AGAP1: variants seen among roughly 807,000 people sequenced by gnomAD.
AGAP1 encodes arf-GAP with GTPase, ANK repeat and PH domain-containing protein 1.
AGAP1 carries 29 observed loss-of-function variants against 105.3 expected under a neutral mutation model. The observed-to-expected ratio is 0.28, with a 90% confidence interval of 0.21 to 0.38. The LOEUF (loss-of-function observed/expected upper bound fraction) is 0.38. AGAP1 is among the 10% of genes least tolerant of loss of function. AGAP1 has a pLI of 1.00. For synonymous variants in AGAP1, 509 were observed against 485.9 expected (o/e 1.05, Z -0.63); for missense variants, 998 against 1,165.1 (o/e 0.86, Z 2.09).
At chr2:235,956,350 A>T (rs957995590) in intron 12 of AGAP1, among the ~76,000 whole-genome samples, 5 of 152,172 alleles carry the variant, frequency 3.3e-5, no homozygotes, top group African/African-American at 1.2e-4. Flanking sequence ...TTTGAGCCTT[A>T]ACTATAAATT....
intron 6 of AGAP1, among the ~76,000 whole-genome samples, chr2:235,760,967 G>A (rs990599014): frequency 6.6e-6 from 1 of 152,298 alleles, no homozygotes; most frequent in East Asian, 1.9e-4. Flanking sequence ...AAAATGTTTA[G>A]GTGGGGGAGG....
intron 3 of AGAP1, among the ~76,000 whole-genome samples, chr2:235,727,145 G>A (rs1473167742): frequency 1.3e-5 from 2 of 152,216 alleles, no homozygotes; most frequent in South Asian, 4.1e-4. Flanking sequence ...AGTATCACAG[G>A]TTGGAGGGGA....
intron 1 of AGAP1, among the ~76,000 whole-genome samples, chr2:235,539,488 T>C (rs1943362022): frequency 6.6e-6 from 1 of 152,254 alleles, no homozygotes; most frequent in African/African-American, 2.4e-5. Context: ...TAGGAAGCCA[T>C]GCTGCCTCCT....
chr2:236,016,433 T>G (rs1451617872), intron 13 of AGAP1, among the ~76,000 whole-genome samples: 1 of 151,906 alleles, frequency 6.6e-6, no homozygotes, highest in Non-Finnish European at 1.5e-5. Flanking sequence ...ACAAATTTGT[T>G]TATTGACTTC....
intron 13 of AGAP1, among the ~76,000 whole-genome samples, chr2:236,015,869 A>G (rs1326687776): frequency 1.3e-5 from 2 of 152,298 alleles, no homozygotes; most frequent in Admixed American, 6.5e-5. Flanking sequence ...TTGCCAAGCA[A>G]TGGCATTAAA....
In AGAP1 at chr2:235,623,087, G is replaced by A. The variant is rs1372548580; in HGVS notation, c.164-86092G>A. Among the ~76,000 whole-genome samples the A allele has an allele frequency of 6.6e-6, 1 of 152,190 alleles. No homozygotes were observed. The highest frequency in any genetic ancestry group is 1.5e-5 in the Non-Finnish European group (1 of 68,028). On this transcript the variant is annotated intron_variant, in intron 1 of 17. Transcript: ENST00000304032. The surrounding 1 kb of genome is among the most constrained non-coding windows in gnomAD (Gnocchi z 4.5). ...TTTTGGGGGAATAGATGTCTCTCAT[G>A]CAGCTCATTTTCCAGTGGATTGCCT...
At chr2:236,011,501 ACT>A (rs1467431317) in intron 13 of AGAP1, among the ~76,000 whole-genome samples, 3 of 152,288 alleles carry the variant, frequency 2.0e-5, no homozygotes, top group East Asian at 3.9e-4. Flanking sequence ...GCATTGTGAA[ACT>A]CTGTTTACCA....
chr2:235,987,758 G>C (rs1268348602), intron 13 of AGAP1, among the ~76,000 whole-genome samples: 3 of 151,884 alleles, frequency 2.0e-5, no homozygotes, highest in African/African-American at 7.3e-5. Context: ...CTTAATTTCA[G>C]TATTTACCCA....
rs1477979488 is a variant in AGAP1, at chr2:235,596,645, GT to G, written c.163+101798del. On this transcript the variant is annotated intron_variant, in intron 1 of 17. Transcript: ENST00000304032. The surrounding 1 kb of genome is among the most constrained non-coding windows in gnomAD (Gnocchi z 5.9). ...ATTTGAGGGGATTGTGTAAGAAGATGTTGTTAAATTTATTTTTAGAATAATA... is the reference window on the plus strand; with the variant it reads ...ATTTGAGGGGATTGTGTAAGAAGATGTGTTAAATTTATTTTTAGAATAATA... Among the ~76,000 whole-genome samples, 1 of 152,222 alleles carries G rather than the reference GT, an allele frequency of 6.6e-6. No homozygotes were observed. The highest frequency in any genetic ancestry group is 1.5e-5 in the Non-Finnish European group (1 of 68,044).
rs574534023 is a variant in AGAP1 at position 235,681,681 on chromosome 2, A to G, written c.164-27498A>G. Among the ~76,000 whole-genome samples the G allele has an allele frequency of 4.6e-5, 7 of 152,318 alleles. No individual in the cohort carries two copies. The South Asian group carries it at 1.2e-3, about 27-fold the overall frequency. ...AATTTTCATCTGTACTGTTAGCATT[A>G]ACCAGCACTTACTGAATAATGTCCT... On this transcript the variant is annotated intron_variant, in intron 1 of 17. Coordinates refer to ENST00000304032, the MANE Select transcript of AGAP1 (RefSeq NM_001037131.3).
Position 235,957,066 on chromosome 2 carries a change from T to C in AGAP1, c.1484-11396T>C, listed in dbSNP as rs957029960. ...TTTAACAGGTGCAATGCAGTAGTTT[T>C]TAGTATCTCACAGATACCTGCAACC... On this transcript the variant is annotated intron_variant, in intron 12 of 17. Coordinates refer to ENST00000304032, the MANE Select transcript of AGAP1 (RefSeq NM_001037131.3). This position sits in a 1 kb window ranked among gnomAD's most constrained non-coding sequence, Gnocchi z 4.6. Among the ~76,000 whole-genome samples the C allele has an allele frequency of 6.6e-6, 1 of 152,244 alleles. No homozygotes were observed. Among genetic ancestry groups the C allele is most frequent in the African/African-American group, 2.4e-5 (1 of 41,464 alleles).
chr2:235,744,633 C>A lies in AGAP1; in HGVS notation c.397-65C>A. 6.3e-7 allele frequency: 1 copy of A among 1,594,928 alleles called. No homozygotes were observed. The highest frequency in any genetic ancestry group is 8.6e-7 in the Non-Finnish European group (1 of 1,165,466). ...CCCCTGCTGCCTGCCGCCATGCAGA[C>A]ATCTCTGTTCTTAATCAAGCCTGCT... is the stretch of plus-strand genomic sequence containing the variant. On this transcript the variant is annotated intron_variant, in intron 4 of 17. Transcript: ENST00000304032. This position sits in a 1 kb window ranked among gnomAD's most constrained non-coding sequence, Gnocchi z 5.2.
At chr2:235,991,006 G>C (rs759720685) in intron 13 of AGAP1, among the ~76,000 whole-genome samples, 1 of 152,170 alleles carries the variant, frequency 6.6e-6, no homozygotes, top group Non-Finnish European at 1.5e-5. Flanking sequence ...CTGTCGCCAG[G>C]TGGCCCTCTG....
At chr2:235,924,434 C>T (rs1312745036) in intron 11 of AGAP1, among the ~76,000 whole-genome samples, 1 of 152,168 alleles carries the variant, frequency 6.6e-6, no homozygotes, top group Admixed American at 6.5e-5. Context: ...GGGACTCCTT[C>T]CTTCATTGTG....
chr2:236,124,208 C>A lies in AGAP1; in HGVS notation c.*86C>A. On this transcript the variant is annotated 3_prime_UTR_variant, in exon 18 of 18. Transcript: ENST00000304032. This position sits in a 1 kb window ranked among gnomAD's most constrained non-coding sequence, Gnocchi z 5.1. ...CTCAGAAGTCGCAGCACGTGAGTCCCGTCGCATCCCCTCCCTCTTCCTGGT... is the reference window on the plus strand; with the variant it reads ...CTCAGAAGTCGCAGCACGTGAGTCCAGTCGCATCCCCTCCCTCTTCCTGGT... 1 of 1,407,894 alleles carries A rather than the reference C, an allele frequency of 7.1e-7. No homozygotes were observed. The highest frequency in any genetic ancestry group is 9.7e-7 in the Non-Finnish European group (1 of 1,028,288). 87.2% of individuals were successfully genotyped at this position (1,407,894 alleles called of 1,614,324 possible).
chr2:235,726,805 G>C (rs1185584339), intron 3 of AGAP1, among the ~76,000 whole-genome samples: 1 of 152,226 alleles, frequency 6.6e-6, no homozygotes, highest in African/African-American at 2.4e-5. Context: ...AAGGCAGGGA[G>C]GGGGTGGGCC....
chr2:235,507,094 AGTC>A (rs1202136914), intron 1 of AGAP1: 1 of 152,804 alleles, frequency 6.5e-6, no homozygotes, highest in Non-Finnish European at 1.5e-5. Flanking sequence ...TGTAGTCGTG[AGTC>A]GTCTCTTTAA....
chr2:236,086,167 G>T (rs1559261601), intron 16 of AGAP1, among the ~76,000 whole-genome samples: 1 of 152,178 alleles, frequency 6.6e-6, no homozygotes, highest in Non-Finnish European at 1.5e-5. Flanking sequence ...TAATTCATCT[G>T]TAAAGTATTC....
intron 9 of AGAP1, among the ~76,000 whole-genome samples, chr2:235,807,741 ACT>A (rs1415044109): frequency 1.3e-5 from 2 of 152,188 alleles, no homozygotes; most frequent in African/African-American, 2.4e-5. Context: ...ACATCTGAAC[ACT>A]GTTTCAGGCT....
Sources: gnomAD v4.1 joint callset for allele counts (sites outside exome capture counted in the v4.1 genomes callset) on GRCh38, gnomAD v4.1.1 for gene constraint, Gnocchi (gnomAD v3.1) non-coding constraint, MANE v1.5 for transcripts, NCBI Gene and HGNC (gene_info 2026-07-23, HGNC 2026-07-21) for gene names.